DAPK2: variants seen among roughly 807,000 people sequenced by gnomAD.
DAPK2 encodes death associated protein kinase 2, also known as death-associated protein kinase 2.
A neutral mutation model predicts 44.1 loss-of-function variants in DAPK2; 35 were observed. That is an observed-to-expected ratio of 0.79 (90% confidence interval 0.61 to 1.05). DAPK2 has a LOEUF of 1.05. DAPK2 is among the 50% of genes least tolerant of loss of function. The pLI, the probability that DAPK2 is intolerant of heterozygous loss-of-function variation, is 0.00. For missense variants in DAPK2, 453 were observed against 483.2 expected (o/e 0.94, Z 0.59); for synonymous variants, 174 against 182.6 (o/e 0.95, Z 0.38).
chr15:63,977,205 C>T (rs2078376916), intron 2 of DAPK2, among the ~76,000 whole-genome samples: 1 of 152,242 alleles, frequency 6.6e-6, no homozygotes. Flanking sequence ...CCCCTCTGCT[C>T]AGGGTTGAGT....
intron 1 of DAPK2, among the ~76,000 whole-genome samples, chr15:64,019,960 T>C (rs2079638015): frequency 6.6e-6 from 1 of 152,236 alleles, no homozygotes; most frequent in African/African-American, 2.4e-5. Flanking sequence ...CAATATTTAC[T>C]AGCCATGTTG....
Position 63,908,693 on chromosome 15 carries a change from G to C in DAPK2, c.1033-93C>G. On this transcript the variant is annotated intron_variant, in intron 10 of 10. Coordinates refer to ENST00000261891, the Ensembl canonical transcript of DAPK2. The surrounding 1 kb of genome is among the most constrained non-coding windows in gnomAD (Gnocchi z 5.7). ...TGGGCAACCTGGGTTGATTCACCTG[G>C]ACCACGGGACTACAAGCCAGGGAGG... The C allele has an allele frequency of 9.8e-7, 1 of 1,018,362 alleles. No homozygotes were observed. The highest frequency in any genetic ancestry group is 2.8e-5 in the Admixed American group (1 of 35,574). 63.1% of individuals were successfully genotyped at this position (1,018,362 alleles called of 1,614,324 possible).
chr15:63,964,890 TATTCTAA>T (rs1409956880), intron 3 of DAPK2, among the ~76,000 whole-genome samples: 5 of 152,196 alleles, frequency 3.3e-5, no homozygotes, highest in African/African-American at 1.2e-4. Flanking sequence ...TCAAAACAGC[TATTCTAA>T]ATTCTCTGTC....
chr15:63,975,912 G>A (rs955635701), intron 2 of DAPK2, among the ~76,000 whole-genome samples: 1 of 152,152 alleles, frequency 6.6e-6, no homozygotes, highest in Non-Finnish European at 1.5e-5. Context: ...TTCTTATATG[G>A]CTAAAATGGC....
intron 1 of DAPK2, among the ~76,000 whole-genome samples, chr15:63,994,809 C>T (rs542362653): frequency 2.3e-4 from 35 of 152,000 alleles, no homozygotes; most frequent in African/African-American, 7.5e-4. Flanking sequence ...AGGCTGGTTT[C>T]GAACTCCTGA....
Position 63,965,707 on chromosome 15 carries a change from G to A in DAPK2, c.453+5716C>T, listed in dbSNP as rs1043818959. On this transcript the variant is annotated intron_variant, in intron 3 of 10. Transcript: ENST00000261891. ...ACTCTTCCCTCCCCTTTCCACAAGC[G>A]GAGGCATCTCCCCCCATGGCCCCCA... Among the ~76,000 whole-genome samples, 5 of 152,290 alleles carry A rather than the reference G, an allele frequency of 3.3e-5. No homozygotes were observed. In the South Asian group the frequency reaches 6.2e-4, roughly 19 times the overall value.
chr15:64,021,862 T>A (rs1019566845), intron 1 of DAPK2, among the ~76,000 whole-genome samples: 4 of 152,170 alleles, frequency 2.6e-5, no homozygotes, highest in African/African-American at 9.7e-5. Flanking sequence ...GAACATCTTA[T>A]AAAAAGGCTT....
chr15:63,955,817 C>T (rs796401695), intron 3 of DAPK2, among the ~76,000 whole-genome samples: 8 of 152,314 alleles, frequency 5.3e-5, no homozygotes, highest in Admixed American at 1.3e-4. Flanking sequence ...CTCTCCCCAC[C>T]TCAGCCTCCC....
intron 1 of DAPK2, among the ~76,000 whole-genome samples, chr15:63,988,048 C>T (rs1267966958): frequency 1.3e-5 from 2 of 152,148 alleles, no homozygotes; most frequent in Non-Finnish European, 2.9e-5. Flanking sequence ...AGGATGGTTT[C>T]GTGAGGGACA....
chr15:64,027,594 C>T (rs2079887807), intron 1 of DAPK2, among the ~76,000 whole-genome samples: 1 of 152,032 alleles, frequency 6.6e-6, no homozygotes, highest in Non-Finnish European at 1.5e-5. Flanking sequence ...AAATGAAATG[C>T]AAACACCACG....
At chr15:63,926,781 C>G in intron 6 of DAPK2, among the ~76,000 whole-genome samples, 1 of 152,316 alleles carries the variant, frequency 6.6e-6, no homozygotes, top group Non-Finnish European at 1.5e-5. Context: ...TGTGTCCAAA[C>G]CCATTCCAAG....
At chr15:63,951,844 A>G (rs1320142564) in intron 3 of DAPK2, among the ~76,000 whole-genome samples, 1 of 152,234 alleles carries the variant, frequency 6.6e-6, no homozygotes, top group Non-Finnish European at 1.5e-5. Context: ...GCATTCACTC[A>G]TTCATTCACC....
At chr15:63,979,790 C>G (rs553447602) in intron 2 of DAPK2, among the ~76,000 whole-genome samples, 2 of 152,106 alleles carry the variant, frequency 1.3e-5, no homozygotes, top group Non-Finnish European at 2.9e-5. Context: ...GGGGCACATA[C>G]TGGTAGTCCC....
At chr15:63,991,693 A>T (rs1370811985) in intron 1 of DAPK2, among the ~76,000 whole-genome samples, 1 of 152,248 alleles carries the variant, frequency 6.6e-6, no homozygotes, top group Non-Finnish European at 1.5e-5. Context: ...ATGGAAGCAT[A>T]GCATGCTCTA....
At chr15:64,007,810 T>C (rs938779648) in intron 1 of DAPK2, among the ~76,000 whole-genome samples, 1 of 152,206 alleles carries the variant, frequency 6.6e-6, no homozygotes, top group Admixed American at 6.5e-5. Flanking sequence ...AAAGGTGGTG[T>C]AGCCATACAA....
chr15:63,987,176 T>C (rs2078689299), intron 1 of DAPK2, among the ~76,000 whole-genome samples: 2 of 152,136 alleles, frequency 1.3e-5, no homozygotes, highest in African/African-American at 2.4e-5. Flanking sequence ...ACTCAGCAGA[T>C]GCACAAAAGC....
chr15:63,910,465 G>T (rs553360778), intron 10 of DAPK2, among the ~76,000 whole-genome samples: 1 of 152,204 alleles, frequency 6.6e-6, no homozygotes, highest in East Asian at 1.9e-4. Context: ...CTCCATAAGC[G>T]GGGGGAGGGG....
At chr15:64,025,644 G>A (rs1227665527) in intron 1 of DAPK2, among the ~76,000 whole-genome samples, 1 of 152,130 alleles carries the variant, frequency 6.6e-6, no homozygotes, top group Non-Finnish European at 1.5e-5. Flanking sequence ...AGGACCAGAT[G>A]GTAAATATTT....
Position 63,968,313 on chromosome 15 carries a change from G to C in DAPK2, c.453+3110C>G, listed in dbSNP as rs576772086. ...ACGGGTGGAAGAATCAGAAAGCTCA[G>C]GTCCTCACAACTCTAAGGATACCTG... On this transcript the variant is annotated intron_variant, in intron 3 of 10. Transcript: ENST00000261891. Among the ~76,000 whole-genome samples the C allele has an allele frequency of 2.4e-4, 37 of 152,326 alleles. 2 individuals are homozygous for C. The highest frequency in any genetic ancestry group is 2.1e-3 in the East Asian group (11 of 5,192).
Sources: gnomAD v4.1 joint callset for allele counts (sites outside exome capture counted in the v4.1 genomes callset) on GRCh38, gnomAD v4.1.1 for gene constraint, Gnocchi (gnomAD v3.1) non-coding constraint, MANE v1.5 for transcripts, NCBI Gene and HGNC (gene_info 2026-07-23, HGNC 2026-07-21) for gene names.